DCAF6: variants seen among roughly 807,000 people sequenced by gnomAD.
DCAF6 encodes DDB1- and CUL4-associated factor 6.
In DCAF6, 54 loss-of-function variants were observed where a neutral mutation model predicts 125.1. The observed-to-expected ratio is 0.43, with a 90% CI of 0.35 to 0.54. The LOEUF (loss-of-function observed/expected upper bound fraction) is 0.54, where lower values mean the gene tolerates loss of function less well. Among genes scored for constraint, DCAF6 ranks in the 20% least tolerant of loss-of-function variants. The pLI is 0.01. For missense variants in DCAF6, 934 were observed against 1,161.7 expected (o/e 0.80, Z 2.85); for synonymous variants, 371 against 390.4 (o/e 0.95, Z 0.58).
At chr1:167,920,344 C>T in the DCAF6 span, among the ~76,000 whole-genome samples, 2 of 152,128 alleles carry the variant, frequency 1.3e-5, no homozygotes, top group Admixed American at 1.3e-4. Context: ...ATGGCAAAAA[C>T]CTGAAAAGCA....
At chr1:167,914,841 C>A in the DCAF6 span, among the ~76,000 whole-genome samples, 1 of 152,300 alleles carries the variant, frequency 6.6e-6, no homozygotes, top group African/African-American at 2.4e-5. Flanking sequence ...TCCTATAAAG[C>A]CCCGCTCTGT....
intron 17 of DCAF6, chr1:168,056,024 A>T: frequency 1.9e-6 from 3 of 1,600,282 alleles, no homozygotes; most frequent in Non-Finnish European, 2.6e-6. Context: ...ATTTGTTTAC[A>T]AGTCCTGGAT....
rs1158573233 is a variant in DCAF6 at position 168,056,481 on chromosome 1, G to A, written c.2300+5548G>A. The A allele has an allele frequency of 1.4e-4, 147 of 1,057,574 alleles. No homozygotes were observed. The East Asian group carries it at 4.5e-3, about 32-fold the overall frequency. The allele number at this position is 1,057,574 out of a possible 1,614,324, so 65.5% of individuals were successfully genotyped here. A position where few individuals can be genotyped will look rare whatever the true frequency, so the allele number is the denominator to read the frequency against. ...CTCGGCCACCCGCGCCGGGAGGCGG[G>A]GCGGGGAGGGGCCCAGGCTTAAGTT... On this transcript the variant is annotated intron_variant, in intron 17 of 21. Coordinates refer to ENST00000367840, the MANE Select transcript of DCAF6 (RefSeq NM_001198956.2).
At chr1:168,016,786 T>A (rs1242186488) in intron 11 of DCAF6, among the ~76,000 whole-genome samples, 1 of 152,062 alleles carries the variant, frequency 6.6e-6, no homozygotes, top group Non-Finnish European at 1.5e-5. Context: ...GTATAATAAG[T>A]TATTTAGGAA....
At chr1:167,917,234 AG>A in the DCAF6 span, 2 of 152,202 alleles carry the variant, frequency 1.3e-5, no homozygotes, top group Non-Finnish European at 2.9e-5. Flanking sequence ...ACGGAGCCAA[AG>A]GTCACAAACA....
the DCAF6 span, among the ~76,000 whole-genome samples, chr1:167,879,189 C>T: frequency 6.6e-6 from 1 of 152,208 alleles, no homozygotes; most frequent in Non-Finnish European, 1.5e-5. Flanking sequence ...GTGCAAACTA[C>T]TTGGGACAAT....
the DCAF6 span, among the ~76,000 whole-genome samples, chr1:167,877,625 A>G: frequency 6.6e-6 from 1 of 152,200 alleles, no homozygotes; most frequent in Admixed American, 6.5e-5. Flanking sequence ...ACAAGTGAAA[A>G]CTGTAGGAAG....
chr1:168,059,738 T>G (rs1466423133), intron 17 of DCAF6, among the ~76,000 whole-genome samples: 1 of 152,118 alleles, frequency 6.6e-6, no homozygotes, highest in African/African-American at 2.4e-5. Flanking sequence ...TTTGACCTCC[T>G]AGGCTCAGGC....
At chr1:167,889,583 C>G in the DCAF6 span, among the ~76,000 whole-genome samples, 1 of 151,950 alleles carries the variant, frequency 6.6e-6, no homozygotes, top group Non-Finnish European at 1.5e-5. Context: ...GTAATACTGG[C>G]CTTGTAGAAT....
chr1:167,937,014 CG>C lies in DCAF6; in HGVS notation c.97+11del. 1 of 1,603,270 alleles carries C rather than the reference CG, an allele frequency of 6.2e-7. No individual in the cohort carries two copies. The highest frequency in any genetic ancestry group is 8.5e-7 in the Non-Finnish European group (1 of 1,175,526). On this transcript the variant is annotated splice_region_variant and intron_variant, in intron 1 of 21. Transcript: ENST00000367840. Reference sequence around the variant, plus strand: ...GCTGCGGAGTCGCTACCTGGGTGAGCGGGGGCCCCGGGGCGGAGGCGCTGAG... The same window carrying C: ...GCTGCGGAGTCGCTACCTGGGTGAGCGGGGCCCCGGGGCGGAGGCGCTGAG...
the DCAF6 span, among the ~76,000 whole-genome samples, chr1:167,882,695 TGTGTAGTGAGAGGTAGCCCA>T: frequency 2.6e-5 from 4 of 151,748 alleles, no homozygotes; most frequent in Admixed American, 2.6e-4. Flanking sequence ...TGGAGACTTA[TGTGTAGTGAGAGGTAGCCCA>T]GCGTAGTGAG....
At chr1:167,996,421 C>T (rs1681708808) in intron 7 of DCAF6, among the ~76,000 whole-genome samples, 1 of 152,164 alleles carries the variant, frequency 6.6e-6, no homozygotes, top group African/African-American at 2.4e-5. Context: ...CTGCTTACCA[C>T]CACCCTTGCT....
chr1:167,878,596 A>T, the DCAF6 span: 14 of 1,614,074 alleles, frequency 8.7e-6, no homozygotes, highest in Non-Finnish European at 1.1e-5. Flanking sequence ...TGGGTAGTAC[A>T]TCATCATCCT....
the DCAF6 span, chr1:167,894,040 G>T: frequency 2.5e-6 from 2 of 809,638 alleles, no homozygotes; most frequent in Non-Finnish European, 2.1e-6. Flanking sequence ...TGGGCAGTGG[G>T]CCTTCTTGTC....
chr1:167,973,752 AC>A (rs1677706040), intron 3 of DCAF6, among the ~76,000 whole-genome samples: 1 of 146,504 alleles, frequency 6.8e-6, no homozygotes, highest in Non-Finnish European at 1.5e-5. Context: ...GATATTCCCC[AC>A]TCACCTCTCT....
intron 1 of DCAF6, among the ~76,000 whole-genome samples, chr1:167,942,036 T>A (rs1483847176): frequency 1.3e-5 from 2 of 152,220 alleles, no homozygotes; most frequent in African/African-American, 4.8e-5. Context: ...GGTAGGCGTG[T>A]AGAAATATAT....
chr1:167,968,298 A>G (rs981806014), intron 3 of DCAF6, among the ~76,000 whole-genome samples: 1 of 152,194 alleles, frequency 6.6e-6, no homozygotes, highest in African/African-American at 2.4e-5. Flanking sequence ...AACAGATACT[A>G]TGAACCGCCA....
At chr1:167,899,403 A>C in the DCAF6 span, 1 of 1,613,330 alleles carries the variant, frequency 6.2e-7, no homozygotes, top group Admixed American at 1.7e-5. Context: ...ACTTTCTGTA[A>C]GTAGCAGCAT....
chr1:168,041,767 G>A (rs759974362), intron 13 of DCAF6, among the ~76,000 whole-genome samples: 3 of 151,538 alleles, frequency 2.0e-5, no homozygotes, highest in Non-Finnish European at 2.9e-5. Flanking sequence ...TACACTAAGC[G>A]TTTTATTCAT....
Sources: gnomAD v4.1 joint callset for allele counts (sites outside exome capture counted in the v4.1 genomes callset) on GRCh38, gnomAD v4.1.1 for gene constraint, MANE v1.5 for transcripts, NCBI Gene and HGNC (gene_info 2026-07-23, HGNC 2026-07-21) for gene names.